TFEB: variants seen among roughly 807,000 people sequenced by gnomAD.
The protein encoded by TFEB is T-cell transcription factor EB.
TFEB carries 12 observed loss-of-function variants against 48.0 expected under a neutral mutation model. That is an observed-to-expected ratio of 0.25 (90% CI 0.16 to 0.40). The LOEUF (loss-of-function observed/expected upper bound fraction) is 0.40. Ranked by LOEUF, TFEB falls within the 10% of genes least tolerant of loss-of-function variation. The pLI is 1.00. For synonymous variants in TFEB, 244 were observed against 261.4 expected (o/e 0.93, Z 0.64); for missense variants, 509 against 640.3 (o/e 0.79, Z 2.21).
chr6:41,688,305 A>G, intron 4 of TFEB: 1 of 389,828 alleles, frequency 2.6e-6, no homozygotes, highest in Non-Finnish European at 4.6e-6. Flanking sequence ...GGCATTATGG[A>G]AGCCCTAGAG....
At chr6:41,695,427 G>A (rs1382019537) in intron 1 of TFEB, among the ~76,000 whole-genome samples, 1 of 152,200 alleles carries the variant, frequency 6.6e-6, no homozygotes, top group African/African-American at 2.4e-5. Context: ...CATGGGTCAG[G>A]GCTGGTCAAT....
Position 41,724,847 on chromosome 6 carries a change from C to T in TFEB, c.-23+10503G>A, listed in dbSNP as rs1197939120. ...GCGCCTCACAGCCCCTGCAGCAGCA[C>T]GAACCAGGACTGAGGTTCACAGCGG... On this transcript the variant is annotated intron_variant, in intron 1 of 8. Coordinates refer to ENST00000373033, the MANE Select transcript of TFEB (RefSeq NM_001271944.2). This position sits in a 1 kb window ranked among gnomAD's most constrained non-coding sequence, Gnocchi z 4.4. Among the ~76,000 whole-genome samples the T allele has an allele frequency of 1.3e-5, 2 of 152,158 alleles. No individual in the cohort carries two copies. Among genetic ancestry groups the T allele is most frequent in the African/African-American group, 2.4e-5 (1 of 41,422 alleles).
chr6:41,706,286 A>AT (rs796339343), intron 1 of TFEB, among the ~76,000 whole-genome samples: 3 of 152,294 alleles, frequency 2.0e-5, no homozygotes, highest in African/African-American at 7.2e-5. Context: ...AGAAGGGGGA[A>AT]TTAACCAGGT....
intron 1 of TFEB, among the ~76,000 whole-genome samples, chr6:41,702,607 A>G (rs938311895): frequency 1.3e-5 from 2 of 151,600 alleles, no homozygotes; most frequent in Non-Finnish European, 1.5e-5. Context: ...GTTTTCATGG[A>G]TGCTACGTCA....
At chr6:41,701,264 T>C (rs967288903) in intron 1 of TFEB, among the ~76,000 whole-genome samples, 7 of 152,184 alleles carry the variant, frequency 4.6e-5, no homozygotes, top group African/African-American at 1.7e-4. Flanking sequence ...GTGGTGGGAC[T>C]GAACCCCCAC....
At position 41,723,535 on chromosome 6, in the gene TFEB, AC is replaced by A; in HGVS notation, c.-23+11814del. 2 of 1,281,468 alleles carry A rather than the reference AC, an allele frequency of 1.6e-6. No individual in the cohort carries two copies. Among genetic ancestry groups the A allele is most frequent in the Non-Finnish European group, 2.0e-6 (2 of 985,570 alleles). The allele number at this position is 1,281,468 out of a possible 1,614,324, so 79.4% of individuals were successfully genotyped here. On this transcript the variant is annotated intron_variant, in intron 1 of 8. Transcript: ENST00000373033. The surrounding 1 kb of genome is among the most constrained non-coding windows in gnomAD (Gnocchi z 6.0). ...TCCAGGGGCCGGAGCCCAGGGCCGCACCCCAGCCCCAGGGCCGGGCTCAGTT... is the reference window on the plus strand; with the variant it reads ...TCCAGGGGCCGGAGCCCAGGGCCGCACCCAGCCCCAGGGCCGGGCTCAGTT...
intron 1 of TFEB, among the ~76,000 whole-genome samples, chr6:41,729,750 A>C (rs1771373966): frequency 6.6e-6 from 1 of 152,248 alleles, no homozygotes; most frequent in Non-Finnish European, 1.5e-5. Context: ...AGAAATGGGA[A>C]GGACTGACTG....
intron 1 of TFEB, among the ~76,000 whole-genome samples, chr6:41,731,788 G>A (rs1397746571): frequency 6.6e-6 from 1 of 152,226 alleles, no homozygotes; most frequent in Non-Finnish European, 1.5e-5. Flanking sequence ...AATGGACGTG[G>A]AATGCATGGC....
Position 41,686,216 on chromosome 6 carries a change from G to A in TFEB, c.825C>T (p.Gly275=), listed in dbSNP as rs1404706934. ...ANDLDVRWNK[G]TILKASVDYI... is the part of the protein sequence containing the mutation. ...AATCCACAGAGGCCTTGAGGATGGT[G>A]CCCTTGTTCCAGCGCACGTCCCTGC... is the stretch of plus-strand genomic sequence containing the variant. The change falls in exon 8 of 9, where the codon GGC becomes GGT. Residue 275 remains glycine, a synonymous_variant. Coordinates refer to ENST00000373033, the MANE Select transcript of TFEB (RefSeq NM_001271944.2). 5 of 1,614,236 alleles carry A rather than the reference G, an allele frequency of 3.1e-6. No homozygotes were observed. The highest frequency in any genetic ancestry group is 2.2e-5 in the South Asian group (2 of 91,080).
intron 1 of TFEB, among the ~76,000 whole-genome samples, chr6:41,702,195 C>A (rs1490555588): frequency 1.3e-5 from 2 of 152,138 alleles, no homozygotes; most frequent in African/African-American, 4.8e-5. Flanking sequence ...CCCAGAGAGG[C>A]CTGCATGCTC....
At chr6:41,733,516 G>A in intron 1 of TFEB, 1 of 579,902 alleles carries the variant, frequency 1.7e-6, no homozygotes. Flanking sequence ...AGCAGAGCAT[G>A]GAGTCACCCA....
chr6:41,727,493 C>T (rs888706508), intron 1 of TFEB, among the ~76,000 whole-genome samples: 2 of 152,092 alleles, frequency 1.3e-5, no homozygotes, highest in African/African-American at 4.8e-5. Context: ...GAGTTTGAGA[C>T]CAGCCTGGGC....
chr6:41,733,774 G>A (rs1771550721), intron 1 of TFEB: 4 of 984,966 alleles, frequency 4.1e-6, no homozygotes, highest in Admixed American at 6.1e-5. Flanking sequence ...CGGACAGTGA[G>A]CTCCCTGAGG....
At chr6:41,703,005 A>G (rs1243520375) in intron 1 of TFEB, among the ~76,000 whole-genome samples, 1 of 152,186 alleles carries the variant, frequency 6.6e-6, no homozygotes, top group Non-Finnish European at 1.5e-5. Flanking sequence ...ATCGGCCTGC[A>G]GGCTGGGAGG....
chr6:41,686,019 TAC>T, intron 8 of TFEB, 69 bp downstream of exon 8: 1 of 1,593,384 alleles, frequency 6.3e-7, no homozygotes, highest in East Asian at 2.2e-5. Context: ...GAAGTACAAG[TAC>T]TGCCCCTTAG....
chr6:41,732,812 C>T, intron 1 of TFEB: 4 of 985,952 alleles, frequency 4.1e-6, no homozygotes, highest in Non-Finnish European at 4.8e-6. Flanking sequence ...CCTGAACTCC[C>T]ACCCTCCGAT....
rs1285880714 is a variant in TFEB at position 41,684,296 on chromosome 6, C to T, written c.*303G>A. 1 of 307,824 alleles carries T rather than the reference C, an allele frequency of 3.2e-6. No individual in the cohort carries two copies. The highest frequency in any genetic ancestry group is 5.0e-5 in the East Asian group (1 of 20,022). 19.1% of individuals were successfully genotyped at this position (307,824 alleles called of 1,614,324 possible). A position where few individuals can be genotyped will look rare whatever the true frequency, so the allele number is the denominator to read the frequency against. On this transcript the variant is annotated 3_prime_UTR_variant, in exon 9 of 9. Coordinates refer to ENST00000373033, the MANE Select transcript of TFEB (RefSeq NM_001271944.2). ...TCGGGCTCAGAAGACAGGGAATCTC[C>T]ACCAGGCCCTCTTCTCACCTCTAGA...
In TFEB at chr6:41,685,084, G is replaced by A; in HGVS notation, c.952-6C>T. On this transcript the variant is annotated splice_region_variant and splice_polypyrimidine_tract_variant and intron_variant, in intron 8 of 8. Coordinates refer to ENST00000373033, the MANE Select transcript of TFEB (RefSeq NM_001271944.2). ...CGAGCCTGCATCTCCAGCTCCTGCAGGGGAGCAGACAGAAGGCTGGGGAAC... is the reference window on the plus strand; with the variant it reads ...CGAGCCTGCATCTCCAGCTCCTGCAAGGGAGCAGACAGAAGGCTGGGGAAC... 2 of 1,436,912 alleles carry A rather than the reference G, an allele frequency of 1.4e-6. No homozygotes were observed. Among genetic ancestry groups the A allele is most frequent in the South Asian group, 3.1e-5 (2 of 65,262 alleles). The allele number at this position is 1,436,912 out of a possible 1,614,324, so 89.0% of individuals were successfully genotyped here.
chr6:41,729,165 C>T (rs1771349652), intron 1 of TFEB, among the ~76,000 whole-genome samples: 1 of 152,012 alleles, frequency 6.6e-6, no homozygotes. Context: ...CAGGCTTCAC[C>T]CCAACTCCCT....
Sources: gnomAD v4.1 joint callset for allele counts (sites outside exome capture counted in the v4.1 genomes callset) on GRCh38, gnomAD v4.1.1 for gene constraint, Gnocchi (gnomAD v3.1) non-coding constraint, MANE v1.5 for transcripts, NCBI Gene and HGNC (gene_info 2026-07-23, HGNC 2026-07-21) for gene names.